The following PCDHGA3 variants were observed in gnomAD, a reference collection of about 807,000 sequenced individuals.
PCDHGA3 encodes the protein protocadherin gamma subfamily A, 3.
PCDHGA3 carries 40 observed loss-of-function variants against 58.5 expected under a neutral mutation model. The ratio of observed to expected loss-of-function variants is 0.68; its 90% CI spans 0.53 to 0.89. The LOEUF is 0.89. Ranked by LOEUF, PCDHGA3 falls within the 40% of genes least tolerant of loss-of-function variation. The pLI is 0.00. For synonymous variants in PCDHGA3, 530 were observed against 525.7 expected (o/e 1.01, Z -0.11); for missense variants, 1,223 against 1,195.9 (o/e 1.02, Z -0.33).
intron 1 of PCDHGA3, among the ~76,000 whole-genome samples, chr5:141,464,715 T>C (rs1013508667): frequency 2.0e-5 from 3 of 152,090 alleles, no homozygotes; most frequent in Admixed American, 2.0e-4. Flanking sequence ...AAATAGTTTT[T>C]CATATGTTTA....
intron 1 of PCDHGA3, chr5:141,398,266 G>A: frequency 1.4e-6 from 2 of 1,439,368 alleles, no homozygotes; most frequent in Non-Finnish European, 1.9e-6. Flanking sequence ...GGGCTCCGTA[G>A]TGGGGAACCT....
In PCDHGA3 at chr5:141,511,032, G is replaced by C. The variant is rs779589499; in HGVS notation, c.2658G>C (p.Gln886His). Residue 886 changes from glutamine to histidine, a missense_variant, in exon 4 of 4, where the codon CAG (glutamine) becomes CAC (histidine). Gln to His is a conservative substitution (Grantham distance 24). Coordinates refer to ENST00000253812, the MANE Select transcript of PCDHGA3 (RefSeq NM_018916.4). ...SARYGPQFTL[Q>H]HVPDYRQNVY... ...GCTACGGACCCCAGTTCACCCTGCA[G>C]CACGTGCCCGACTACCGCCAGAATG... 6.2e-7 allele frequency: 1 copy of C among 1,614,228 alleles called. No individual in the cohort carries two copies. The highest frequency in any genetic ancestry group is 8.5e-7 in the Non-Finnish European group (1 of 1,180,036).
chr5:141,431,296 C>T lies in PCDHGA3; in HGVS notation c.2425-63511C>T, dbSNP rs2097358592. On this transcript the variant is annotated intron_variant, in intron 1 of 3. Transcript: ENST00000253812. The surrounding 1 kb of genome is among the most constrained non-coding windows in gnomAD (Gnocchi z 4.8). ...AGCTCAGCCCGAACACTCACTTCTC[C>T]CTCATCGTGCAAAATGGAGCCGACG... The T allele has an allele frequency of 1.9e-6, 3 of 1,614,018 alleles. No individual in the cohort carries two copies. Among genetic ancestry groups the T allele is most frequent in the Non-Finnish European group, 2.5e-6 (3 of 1,180,048 alleles).
In PCDHGA3 at chr5:141,433,172, G is replaced by C. The variant is rs147848043; in HGVS notation, c.2425-61635G>C. 533 of 1,610,720 alleles carry C rather than the reference G, an allele frequency of 3.3e-4. 5 individuals carry two copies. In the South Asian group the frequency reaches 5.0e-3, roughly 15 times the overall value. On this transcript the variant is annotated intron_variant, in intron 1 of 3. Transcript: ENST00000253812. ...TTCGGTATTTTCTAAAGACAGTCAT[G>C]GGTTAATTGAGGTGAGTTTATATCA...
intron 1 of PCDHGA3, among the ~76,000 whole-genome samples, chr5:141,455,830 C>T (rs928219545): frequency 2.0e-5 from 3 of 151,170 alleles, no homozygotes; most frequent in African/African-American, 7.3e-5. Flanking sequence ...GACCCCTTTT[C>T]CTGTCTATCT....
At chr5:141,478,794 G>A in intron 1 of PCDHGA3, 1 of 1,468,126 alleles carries the variant, frequency 6.8e-7, no homozygotes, top group Non-Finnish European at 9.0e-7. Flanking sequence ...CACATCCTCA[G>A]CACTCTTTTG....
In PCDHGA3 at chr5:141,351,812, C is replaced by T. The variant is rs572024020; in HGVS notation, c.2424+5355C>T. The T allele has an allele frequency of 1.4e-5, 23 of 1,613,190 alleles. No individual in the cohort carries two copies. Among genetic ancestry groups the T allele is most frequent in the Non-Finnish European group, 1.7e-5 (20 of 1,179,878 alleles). ...GGTGTTCGCGCAGCGCGCCTTCGAC[C>T]ACGAGCAGCTGCGCGCCTTCGAGCT... On this transcript the variant is annotated intron_variant, in intron 1 of 3. Coordinates refer to ENST00000253812, the MANE Select transcript of PCDHGA3 (RefSeq NM_018916.4).
At chr5:141,401,614 G>T (rs1242268897) in intron 1 of PCDHGA3, among the ~76,000 whole-genome samples, 1 of 152,188 alleles carries the variant, frequency 6.6e-6, no homozygotes, top group Non-Finnish European at 1.5e-5. Context: ...AAAGACACCG[G>T]ATTTGTCTTA....
At chr5:141,427,818 G>A (rs1356936077) in intron 1 of PCDHGA3, 3 of 1,530,644 alleles carry the variant, frequency 2.0e-6, no homozygotes, top group Non-Finnish European at 2.7e-6. Context: ...GAGCGGGGTG[G>A]TGGTCGCGCA....
At chr5:141,502,363 T>C (rs1216939790) in intron 2 of PCDHGA3, among the ~76,000 whole-genome samples, 2 of 152,100 alleles carry the variant, frequency 1.3e-5, no homozygotes, top group African/African-American at 4.8e-5. Context: ...ATGGATATTT[T>C]TAAAGAGTCC....
intron 1 of PCDHGA3, among the ~76,000 whole-genome samples, chr5:141,429,903 T>C (rs1276564046): frequency 2.0e-5 from 3 of 152,252 alleles, no homozygotes; most frequent in African/African-American, 7.2e-5. Flanking sequence ...TAAATATTTT[T>C]GAAATATAAT....
rs753032334 is a variant in PCDHGA3 at position 141,372,277 on chromosome 5, C to G, written c.2424+25820C>G. The G allele has an allele frequency of 7.4e-6, 12 of 1,612,994 alleles. No individual in the cohort carries two copies. Among genetic ancestry groups the G allele is most frequent in the Middle Eastern group, 3.3e-4 (2 of 6,080 alleles). Reference sequence around the variant, plus strand: ...GGCCTGCGCACGGGTGAGGTGCGCACGGCGCGTACCTTGGGCGACAGGGAG... The same window carrying G: ...GGCCTGCGCACGGGTGAGGTGCGCAGGGCGCGTACCTTGGGCGACAGGGAG... On this transcript the variant is annotated intron_variant, in intron 1 of 3. Transcript: ENST00000253812.
chr5:141,400,007 C>G (rs907315450), intron 1 of PCDHGA3: 2 of 1,612,506 alleles, frequency 1.2e-6, no homozygotes, highest in African/African-American at 1.3e-5. Flanking sequence ...ACAGCGCGTG[C>G]CTTGGGCGAC....
chr5:141,431,032 C>T lies in PCDHGA3; in HGVS notation c.2425-63775C>T. 1 of 1,614,008 alleles carries T rather than the reference C, an allele frequency of 6.2e-7. No individual in the cohort carries two copies. The highest frequency in any genetic ancestry group is 2.2e-5 in the East Asian group (1 of 44,848). On this transcript the variant is annotated intron_variant, in intron 1 of 3. Transcript: ENST00000253812. This position sits in a 1 kb window ranked among gnomAD's most constrained non-coding sequence, Gnocchi z 4.8. ...GCTTGGTCACGGCGGGCAGGATAGA[C>T]CGGGAGGAGCTCTGTATGGGGGCCA...
intron 1 of PCDHGA3, chr5:141,372,783 C>G (rs1324941616): frequency 1.9e-6 from 3 of 1,606,014 alleles, no homozygotes; most frequent in South Asian, 2.2e-5. Context: ...TCCAGAAATG[C>G]CTTCTAATTC....
chr5:141,383,020 A>T (rs1778718840), intron 1 of PCDHGA3: 1 of 1,613,730 alleles, frequency 6.2e-7, no homozygotes, highest in African/African-American at 1.3e-5. Context: ...GGAGACGGAC[A>T]AAGGGTCCTT....
chr5:141,460,537 C>T (rs2098991642), intron 1 of PCDHGA3, among the ~76,000 whole-genome samples: 1 of 152,062 alleles, frequency 6.6e-6, no homozygotes, highest in African/African-American at 2.4e-5. Context: ...ATAATCTTAG[C>T]ACCTTAATCA....
intron 1 of PCDHGA3, among the ~76,000 whole-genome samples, chr5:141,435,539 C>T (rs75717921): frequency 1.3e-5 from 2 of 152,226 alleles, no homozygotes; most frequent in South Asian, 4.1e-4. Flanking sequence ...TCAGAATTAA[C>T]AAAATGTGTT....
chr5:141,471,790 C>T (rs1465283136), intron 1 of PCDHGA3, among the ~76,000 whole-genome samples: 1 of 152,068 alleles, frequency 6.6e-6, no homozygotes, highest in Non-Finnish European at 1.5e-5. Context: ...TATGCTATGT[C>T]ATATAAAAGA....
Sources: gnomAD v4.1 joint callset for allele counts (sites outside exome capture counted in the v4.1 genomes callset) on GRCh38, gnomAD v4.1.1 for gene constraint, Gnocchi (gnomAD v3.1) non-coding constraint, MANE v1.5 for transcripts, NCBI Gene and HGNC (gene_info 2026-07-23, HGNC 2026-07-21) for gene names.